FRRS1L: variants seen among roughly 807,000 people sequenced by gnomAD.
The protein encoded by FRRS1L is ferric chelate reductase 1 like.
FRRS1L carries 22 observed loss-of-function variants against 28.6 expected under a neutral mutation model. That is an observed-to-expected ratio of 0.77 (90% CI 0.55 to 1.10). The LOEUF (loss-of-function observed/expected upper bound fraction) is 1.10, where lower values mean the gene tolerates loss of function less well. Among genes scored for constraint, FRRS1L ranks in the 50% least tolerant of loss-of-function variants. The pLI is 0.00. For synonymous variants in FRRS1L, 158 were observed against 151.4 expected (o/e 1.04, Z -0.32); for missense variants, 380 against 386.9 (o/e 0.98, Z 0.15).
At chr9:109,163,567 T>G (rs1831505055) in intron 1 of FRRS1L, among the ~76,000 whole-genome samples, 2 of 152,204 alleles carry the variant, frequency 1.3e-5, no homozygotes, top group African/African-American at 2.4e-5. Context: ...CCTCTGGATT[T>G]GAGGGTTTTG....
At chr9:109,149,998 A>G (rs1831312176) in intron 1 of FRRS1L, 1 of 295,084 alleles carries the variant, frequency 3.4e-6, no homozygotes, top group Non-Finnish European at 6.4e-6. Context: ...ATTTCATATA[A>G]CCACGGGCTT....
intron 1 of FRRS1L, chr9:109,151,709 T>A: frequency 6.2e-6 from 1 of 161,556 alleles, no homozygotes; most frequent in Non-Finnish European, 1.3e-5. Context: ...CCAAAAACCT[T>A]CCCCTTGACC....
At position 109,136,426 on chromosome 9, in the gene FRRS1L, C is replaced by G. The variant is rs892601514; in HGVS notation, c.*1029G>C. The G allele has an allele frequency of 1.3e-4, 19 of 150,794 alleles. No individual in the cohort carries two copies. The highest frequency in any genetic ancestry group is 4.6e-4 in the African/African-American group (19 of 41,000). 9.3% of individuals were successfully genotyped at this position (150,794 alleles called of 1,614,324 possible). A position where few individuals can be genotyped will look rare whatever the true frequency, so the allele number is the denominator to read the frequency against. ...ACACAACTTTACATCTTCAGGAATG[C>G]TCACAGTTTGGTCTCCAACCTTTGC... On this transcript the variant is annotated 3_prime_UTR_variant, in exon 5 of 5. Coordinates refer to ENST00000561981, the MANE Select transcript of FRRS1L (RefSeq NM_014334.4).
chr9:109,166,963 T>C lies in FRRS1L; in HGVS notation c.176A>G (p.His59Arg). Reference sequence around the variant, plus strand: ...CGCGAAGGTGCCGTAGGAGGAGTCGTGGCGCGGCACCGCCTCGTCGGCGCC... The same window carrying C: ...CGCGAAGGTGCCGTAGGAGGAGTCGCGGCGCGGCACCGCCTCGTCGGCGCC... Reference protein sequence around the residue: ...DTGADEAVPRHDSSYGTFAGE... With the variant: ...DTGADEAVPRRDSSYGTFAGE... The change falls in exon 1 of 5, where the codon CAC (histidine) becomes CGC (arginine). Residue 59 changes from histidine (H) to arginine (R), a missense_variant. Transcript: ENST00000561981. 1 of 1,334,606 alleles carries C rather than the reference T, an allele frequency of 7.5e-7. No homozygotes were observed. The highest frequency in any genetic ancestry group is 3.2e-5 in the East Asian group (1 of 31,074). The allele number at this position is 1,334,606 out of a possible 1,614,324, so 82.7% of individuals were successfully genotyped here.
rs1035520164 is a variant in FRRS1L at position 109,141,205 on chromosome 9, A to G, written c.709+138T>C. ...AAGTCCATTATAACCTTCTGAAGGT[A>G]GGAGTCGCATCTCCTTTTCCTTTAA... On this transcript the variant is annotated intron_variant, in intron 4 of 4. Transcript: ENST00000561981. 1.6e-5 allele frequency: 13 copies of G among 835,824 alleles called. No homozygotes were observed. The African/African-American group carries it at 2.2e-4, about 14-fold the overall frequency. The allele number at this position is 835,824 out of a possible 1,614,324, so 51.8% of individuals were successfully genotyped here. A position where few individuals can be genotyped will look rare whatever the true frequency, so the allele number is the denominator to read the frequency against.
chr9:109,132,000 G>A lies in FRRS1L; in HGVS notation c.*5455C>T, dbSNP rs56265989. 0.15 allele frequency: 18,640 copies of A among 128,342 alleles called. 1,391 individuals are homozygous for A. Among genetic ancestry groups the A allele is most frequent in the Non-Finnish European group, 0.18 (10,741 of 58,150 alleles). The allele number at this position is 128,342 out of a possible 1,614,324, so 8.0% of individuals were successfully genotyped here. On this transcript the variant is annotated 3_prime_UTR_variant, in exon 5 of 5. Coordinates refer to ENST00000561981, the MANE Select transcript of FRRS1L (RefSeq NM_014334.4). The stretch of plus-strand genomic sequence containing the variant: ...TTTATTTATTTATTTTTTAGACGGA[G>A]TCTTGCTCTGTTACCCAGGCTGGAG...
At chr9:109,164,183 C>A (rs1357427264) in intron 1 of FRRS1L, among the ~76,000 whole-genome samples, 1 of 152,120 alleles carries the variant, frequency 6.6e-6, no homozygotes, top group African/African-American at 2.4e-5. Flanking sequence ...CCTCTGATAG[C>A]CCCACGCCAC....
At position 109,167,049 on chromosome 9, in the gene FRRS1L, G is replaced by C. The variant is rs1037617722; in HGVS notation, c.90C>G (p.Pro30=). 3.4e-6 allele frequency: 4 copies of C among 1,191,016 alleles called. No individual in the cohort carries two copies. The highest frequency in any genetic ancestry group is 4.1e-6 in the Non-Finnish European group (4 of 965,058). The allele number at this position is 1,191,016 out of a possible 1,614,324, so 73.8% of individuals were successfully genotyped here. A position where few individuals can be genotyped will look rare whatever the true frequency, so the allele number is the denominator to read the frequency against. The part of the protein sequence containing the change: ...LTGPAACAAS[P]ADDGAGPGGR... Reference sequence around the variant, plus strand: ...CCCCCGGGCCCGCACCGTCGTCCGCGGGGCTGGCTGCGCAGGCGGCGGGCC... The same window carrying C: ...CCCCCGGGCCCGCACCGTCGTCCGCCGGGCTGGCTGCGCAGGCGGCGGGCC... Residue 30 remains proline, a synonymous_variant, in exon 1 of 5, where the codon CCC becomes CCG. Coordinates refer to ENST00000561981, the MANE Select transcript of FRRS1L (RefSeq NM_014334.4).
In FRRS1L at chr9:109,149,625, G is replaced by T. The variant is rs372126264; in HGVS notation, c.323+11C>A. 1.3e-6 allele frequency: 2 copies of T among 1,590,420 alleles called. No individual in the cohort carries two copies. Among genetic ancestry groups the T allele is most frequent in the East Asian group, 2.2e-5 (1 of 44,788 alleles). ...TAGCCTTAAAGTTATCCAACCTGCA[G>T]TTCCACCAACCTAAAGCATCCCTTA... On this transcript the variant is annotated intron_variant, in intron 2 of 4. Transcript: ENST00000561981.
rs1350039836 is a variant in FRRS1L, at chr9:109,131,905, A to G, written c.*5550T>C. ...CATTATGGTACATAAGGTAGATGCCACATCACATGTGTAAAACACTCCCAT... is the reference window on the plus strand; with the variant it reads ...CATTATGGTACATAAGGTAGATGCCGCATCACATGTGTAAAACACTCCCAT... On this transcript the variant is annotated 3_prime_UTR_variant, in exon 5 of 5. Transcript: ENST00000561981. 1 of 152,112 alleles carries G rather than the reference A, an allele frequency of 6.6e-6. No homozygotes were observed. Among genetic ancestry groups the G allele is most frequent in the African/African-American group, 2.4e-5 (1 of 41,440 alleles). 9.4% of individuals were successfully genotyped at this position (152,112 alleles called of 1,614,324 possible). A position where few individuals can be genotyped will look rare whatever the true frequency, so the allele number is the denominator to read the frequency against.
intron 1 of FRRS1L, chr9:109,149,992 C>CTTTTTTTTTTTTTTTTGAG: frequency 2.0e-5 from 7 of 349,116 alleles, no homozygotes; most frequent in East Asian, 5.6e-5. Flanking sequence ...GGCACAATTT[C>CTTTTTTTTTTTTTTTTGAG]ATATAACCAC....
rs1588095092 is a variant in FRRS1L at position 109,135,939 on chromosome 9, A to G, written c.*1516T>C. The G allele has an allele frequency of 6.6e-6, 1 of 151,954 alleles. No homozygotes were observed. The highest frequency in any genetic ancestry group is 1.9e-4 in the East Asian group (1 of 5,150). The allele number at this position is 151,954 out of a possible 1,614,324, so 9.4% of individuals were successfully genotyped here. Reference sequence around the variant, plus strand: ...ACTAAGATGTTTTGTCTGATATAACACATTTTTAGGCCAGGCACGGTGGCT... The same window carrying G: ...ACTAAGATGTTTTGTCTGATATAACGCATTTTTAGGCCAGGCACGGTGGCT... On this transcript the variant is annotated 3_prime_UTR_variant, in exon 5 of 5. Transcript: ENST00000561981.
intron 4 of FRRS1L, chr9:109,141,105 A>G: frequency 3.5e-6 from 2 of 563,732 alleles, no homozygotes; most frequent in Non-Finnish European, 6.3e-6. Flanking sequence ...CTCATGACAT[A>G]CTATCTTGTA....
chr9:109,131,544 GCTC>G lies in FRRS1L; in HGVS notation c.*5908_*5910del, dbSNP rs537307664. On this transcript the variant is annotated 3_prime_UTR_variant, in exon 5 of 5. Transcript: ENST00000561981. ...ATCATGTATGTACAAATATACACATGCTCCTCAAGTTACAAGAGGGTTATGTCT... is the reference window on the plus strand; with the variant it reads ...ATCATGTATGTACAAATATACACATGCTCAAGTTACAAGAGGGTTATGTCT... 111 of 152,298 alleles carry G rather than the reference GCTC, an allele frequency of 7.3e-4. No individual in the cohort carries two copies. Among genetic ancestry groups the G allele is most frequent in the African/African-American group, 2.5e-3 (104 of 41,576 alleles). The allele number at this position is 152,298 out of a possible 1,614,324, so 9.4% of individuals were successfully genotyped here. A position where few individuals can be genotyped will look rare whatever the true frequency, so the allele number is the denominator to read the frequency against.
At chr9:109,145,727 A>G (rs1057435185) in intron 3 of FRRS1L, among the ~76,000 whole-genome samples, 1 of 151,896 alleles carries the variant, frequency 6.6e-6, no homozygotes, top group Non-Finnish European at 1.5e-5. Flanking sequence ...AATAAAAAAA[A>G]CCCAAAAGGA....
chr9:109,139,300 G>C (rs1391687149), intron 4 of FRRS1L: 1 of 152,192 alleles, frequency 6.6e-6, no homozygotes, highest in African/African-American at 2.4e-5. Flanking sequence ...GTTTTGCTTA[G>C]AGTTAGTGAG....
intron 1 of FRRS1L, 28 bp downstream of exon 1, chr9:109,166,873 G>T (rs1319631849): frequency 2.8e-5 from 5 of 178,402 alleles, no homozygotes; most frequent in Non-Finnish European, 4.5e-5. Flanking sequence ...CTCCCCTCCC[G>T]CAACCCCTCG....
Position 109,137,399 on chromosome 9 carries a change from T to C in FRRS1L, c.*56A>G. On this transcript the variant is annotated 3_prime_UTR_variant, in exon 5 of 5. Coordinates refer to ENST00000561981, the MANE Select transcript of FRRS1L (RefSeq NM_014334.4). ...ATTATACTGGATATTCTTTAAAAAA[T>C]ATATTTATACTAAAGACTTCCCAAT... 9.2e-7 allele frequency: 1 copy of C among 1,085,328 alleles called. No individual in the cohort carries two copies. The highest frequency in any genetic ancestry group is 2.9e-5 in the South Asian group (1 of 34,794). The allele number at this position is 1,085,328 out of a possible 1,614,324, so 67.2% of individuals were successfully genotyped here.
chr9:109,162,976 CT>C (rs1831497030), intron 1 of FRRS1L, among the ~76,000 whole-genome samples: 1 of 152,170 alleles, frequency 6.6e-6, no homozygotes, highest in African/African-American at 2.4e-5. Flanking sequence ...TCTTTTCCTT[CT>C]TAGGCAGGGT....
Sources: allele counts gnomAD v4.1 joint callset (sites outside exome capture counted in the v4.1 genomes callset), GRCh38; gene constraint gnomAD v4.1.1; transcripts MANE v1.5; gene names NCBI Gene and HGNC (gene_info 2026-07-23, HGNC 2026-07-21).